TMEM59L: variants seen among roughly 807,000 people sequenced by gnomAD.
TMEM59L encodes transmembrane protein 59 like, also known as transmembrane protein 59-like.
A neutral mutation model predicts 39.6 loss-of-function variants in TMEM59L; 31 were observed. The observed-to-expected ratio is 0.78, with a 90% CI of 0.59 to 1.06. The LOEUF is 1.06. Among genes scored for constraint, TMEM59L ranks in the 50% least tolerant of loss-of-function variants. The pLI is 0.00. For missense variants in TMEM59L, 441 were observed against 451.3 expected (o/e 0.98, Z 0.21); for synonymous variants, 219 against 202.9 (o/e 1.08, Z -0.68).
intron 5 of TMEM59L, 64 bp downstream of exon 5, chr19:18,617,166 T>G: frequency 7.9e-7 from 1 of 1,261,304 alleles, no homozygotes; most frequent in Non-Finnish European, 1.2e-6. Context: ...GGAGTCGGCC[T>G]GGCAAACAGA....
chr19:18,614,370 A>G (rs1600664554), intron 3 of TMEM59L, among the ~76,000 whole-genome samples, 175 bp downstream of exon 3: 1 of 152,122 alleles, frequency 6.6e-6, no homozygotes, highest in Non-Finnish European at 1.5e-5. Flanking sequence ...ACATGCAACA[A>G]CGCCCCCCAT....
chr19:18,617,635 G>C (rs2145350301), intron 5 of TMEM59L: 1 of 455,276 alleles, frequency 2.2e-6, no homozygotes, highest in East Asian at 7.0e-5. Flanking sequence ...CATCTCTCAG[G>C]GTTCCATGGT....
chr19:18,615,399 C>T (rs1976416919), intron 3 of TMEM59L, among the ~76,000 whole-genome samples: 1 of 152,222 alleles, frequency 6.6e-6, no homozygotes, highest in Non-Finnish European at 1.5e-5. Context: ...GGCAGGCATC[C>T]TCTAGTTGAA....
In TMEM59L at chr19:18,616,131, A is replaced by T; in HGVS notation, c.561+4A>T. ...TGGGAAAGTGGTGGTGTTTCAGGTG[A>T]GACCTCTGACAGGGGCCACGCCAGA... On this transcript the variant is annotated splice_donor_region_variant and intron_variant, in intron 4 of 7. Coordinates refer to ENST00000262817, the MANE Select transcript of TMEM59L (RefSeq NM_012109.3). 2 of 1,613,762 alleles carry T rather than the reference A, an allele frequency of 1.2e-6. No homozygotes were observed. The highest frequency in any genetic ancestry group is 1.7e-6 in the Non-Finnish European group (2 of 1,179,854).
intron 7 of TMEM59L, among the ~76,000 whole-genome samples, chr19:18,620,006 CA>C (rs1976477220): frequency 7.9e-6 from 1 of 126,742 alleles, no homozygotes; most frequent in Non-Finnish European, 1.7e-5. Context: ...CACACACACA[CA>C]CACACACACA....
chr19:18,617,228 C>T (rs1976438496), intron 5 of TMEM59L, 126 bp downstream of exon 5: 1 of 742,466 alleles, frequency 1.3e-6, no homozygotes, highest in African/African-American at 1.7e-5. Flanking sequence ...CATGGCTCAT[C>T]CCCCAGGTCT....
intron 7 of TMEM59L, among the ~76,000 whole-genome samples, chr19:18,618,841 C>T (rs1196971028): frequency 2.0e-5 from 3 of 151,410 alleles, no homozygotes; most frequent in Non-Finnish European, 2.9e-5. Context: ...ACTATGGGCG[C>T]GGGCCACCAC....
rs757967961 is a variant in TMEM59L at position 18,620,376 on chromosome 19, C to T, written c.901-32C>T. The T allele has an allele frequency of 5.0e-6, 8 of 1,587,516 alleles. No homozygotes were observed. In the East Asian group the frequency reaches 1.4e-4, roughly 27 times the overall value. On this transcript the variant is annotated intron_variant, in intron 7 of 7. Coordinates refer to ENST00000262817, the MANE Select transcript of TMEM59L (RefSeq NM_012109.3). ...TTGGGGGCTCGGCCTCTCCCCGTCC[C>T]TCCACTTCCCTCCTCCCCTCTCTTC...
At chr19:18,616,156 A>C (rs1327085531) in intron 4 of TMEM59L, 29 bp downstream of exon 4, 1 of 1,611,826 alleles carries the variant, frequency 6.2e-7, no homozygotes, top group Non-Finnish European at 8.5e-7. Context: ...GCCACGCCAG[A>C]GTGGCAGATG....
chr19:18,614,146 G>A lies in TMEM59L; in HGVS notation c.359G>A (p.Cys120Tyr). ...AYVKEAEQQA[C>Y]SHGCWSQPAE... ...GTGAAGGAGGCAGAGCAGCAGGCCT[G>A]TAGCCACGGCTGCTGGAGCCAGCCC... The change falls in exon 3 of 8, where the codon TGT becomes TAT. Residue 120 changes from cysteine (C) to tyrosine (Y), a missense_variant. Coordinates refer to ENST00000262817, the MANE Select transcript of TMEM59L (RefSeq NM_012109.3). 1 of 1,609,340 alleles carries A rather than the reference G, an allele frequency of 6.2e-7. No individual in the cohort carries two copies. Among genetic ancestry groups the A allele is most frequent in the Admixed American group, 1.7e-5 (1 of 59,660 alleles).
In TMEM59L at chr19:18,614,183, G is replaced by A; in HGVS notation, c.396G>A (p.Glu132=). The A allele has an allele frequency of 1.2e-6, 2 of 1,600,744 alleles. No homozygotes were observed. Among genetic ancestry groups the A allele is most frequent in the Non-Finnish European group, 1.7e-6 (2 of 1,175,502 alleles). Residue 132 remains glutamate (E), a synonymous_variant, in exon 3 of 8, where the codon GAG becomes GAA. Transcript: ENST00000262817. ...HGCWSQPAEP[E]PEQKRKVLEA... The stretch of plus-strand genomic sequence containing the variant: ...GCTGGAGCCAGCCCGCGGAGCCTGA[G>A]CCGGAGCAGAAGGTGGGCCTCCCAC...
chr19:18,615,808 ATGT>A (rs1395754389), intron 3 of TMEM59L, among the ~76,000 whole-genome samples, 164 bp from the exon 4 acceptor site: 1 of 152,164 alleles, frequency 6.6e-6, no homozygotes, highest in East Asian at 1.9e-4. Flanking sequence ...GGGTTTCACG[ATGT>A]TGTCCAGGCT....
At position 18,613,113 on chromosome 19, in the gene TMEM59L, G is replaced by T; in HGVS notation, c.155G>T (p.Gly52Val). Reference sequence around the variant, plus strand: ...CTGCGGTGCCGCGACCGCGACCTCGGCCCGCAGCCCTCGCAGGTGAGGCGC... The same window carrying T: ...CTGCGGTGCCGCGACCGCGACCTCGTCCCGCAGCCCTCGCAGGTGAGGCGC... ...CQLRCRDRDLGPQPSQAGLEG... is the reference protein window; with the variant it reads ...CQLRCRDRDLVPQPSQAGLEG... The change falls in exon 1 of 8, where the codon GGC becomes GTC. Residue 52 changes from glycine to valine, a missense_variant. Coordinates refer to ENST00000262817, the MANE Select transcript of TMEM59L (RefSeq NM_012109.3). 7.7e-7 allele frequency: 1 copy of T among 1,301,422 alleles called. No individual in the cohort carries two copies. Among genetic ancestry groups the T allele is most frequent in the Non-Finnish European group, 9.7e-7 (1 of 1,029,064 alleles). 80.6% of individuals were successfully genotyped at this position (1,301,422 alleles called of 1,614,324 possible).
chr19:18,618,764 G>A (rs1183396420), intron 7 of TMEM59L, among the ~76,000 whole-genome samples: 1 of 148,708 alleles, frequency 6.7e-6, no homozygotes, highest in East Asian at 2.0e-4. Context: ...GCACCATCTC[G>A]GCTCACTGCA....
At chr19:18,618,353 T>A in intron 6 of TMEM59L, 22 bp from the exon 7 acceptor site, 1 of 1,608,610 alleles carries the variant, frequency 6.2e-7, no homozygotes, top group Non-Finnish European at 8.5e-7. Flanking sequence ...GGCAGCTGAG[T>A]GGTGCCTGCC....
chr19:18,616,727 G>T (rs532670586), intron 4 of TMEM59L, among the ~76,000 whole-genome samples: 5 of 152,276 alleles, frequency 3.3e-5, no homozygotes, highest in South Asian at 4.1e-4. Context: ...GATTTACTCT[G>T]ATTGGCCCTG....
rs1976395772 is a variant in TMEM59L at position 18,613,737 on chromosome 19, C to G, written c.172-135C>G. On this transcript the variant is annotated intron_variant, in intron 1 of 7. Coordinates refer to ENST00000262817, the MANE Select transcript of TMEM59L (RefSeq NM_012109.3). ...CCCCCACTAATATTTGTAGCCTCTCCCAACTTCATCTCCATCTGGCTAGAT... is the reference window on the plus strand; with the variant it reads ...CCCCCACTAATATTTGTAGCCTCTCGCAACTTCATCTCCATCTGGCTAGAT... 3 of 682,136 alleles carry G rather than the reference C, an allele frequency of 4.4e-6. No homozygotes were observed. In the South Asian group the frequency reaches 5.6e-5, roughly 13 times the overall value. The allele number at this position is 682,136 out of a possible 1,614,324, so 42.3% of individuals were successfully genotyped here.
chr19:18,617,324 G>GTTC (rs1223751328), intron 5 of TMEM59L: 8 of 648,986 alleles, frequency 1.2e-5, no homozygotes, highest in Admixed American at 6.2e-5. Context: ...ACTTCCCAGG[G>GTTC]TTCCGTGGTC....
chr19:18,618,551 G>T, intron 7 of TMEM59L, 59 bp downstream of exon 7: 3 of 1,530,166 alleles, frequency 2.0e-6, no homozygotes, highest in Non-Finnish European at 8.9e-7. Context: ...AGAGAGAGCT[G>T]TTTGCTGGTC....
Sources: allele counts gnomAD v4.1 joint callset (sites outside exome capture counted in the v4.1 genomes callset), GRCh38; gene constraint gnomAD v4.1.1; transcripts MANE v1.5; gene names NCBI Gene and HGNC (gene_info 2026-07-23, HGNC 2026-07-21).